Variants in OOSP4B observed in about 807,000 individuals in gnomAD.
OOSP4B encodes oocyte-secreted protein 4B.
At chr11:60,024,300 G>A (rs753955277) in intron 2 of OOSP4B, among the ~76,000 whole-genome samples, 1 of 152,194 alleles carries the variant, frequency 6.6e-6, no homozygotes, top group East Asian at 1.9e-4. Context: ...ACCACTTTGG[G>A]AGGCTGGGGT....
chr11:60,024,197 C>G (rs1210692650), intron 2 of OOSP4B, 136 bp downstream of exon 2: 2 of 395,028 alleles, frequency 5.1e-6, no homozygotes, highest in East Asian at 7.2e-5. Context: ...TTAGATAGGA[C>G]CAGGTGCTTA....
chr11:60,028,521 G>A (rs565378072), intron 3 of OOSP4B, among the ~76,000 whole-genome samples: 1 of 152,188 alleles, frequency 6.6e-6, no homozygotes, highest in African/African-American at 2.4e-5. Context: ...ACATCATCTT[G>A]AAGTTCATTT....
intron 3 of OOSP4B, among the ~76,000 whole-genome samples, chr11:60,026,622 G>A: frequency 6.6e-6 from 1 of 152,228 alleles, no homozygotes; most frequent in South Asian, 2.1e-4. Flanking sequence ...CAAAATTAAG[G>A]CACCCTGCAA....
At chr11:60,026,681 T>C (rs938604999) in intron 3 of OOSP4B, among the ~76,000 whole-genome samples, 5 of 152,212 alleles carry the variant, frequency 3.3e-5, no homozygotes, top group African/African-American at 1.2e-4. Context: ...TCTTCAAACT[T>C]CGCCAGTCAT....
intron 1 of OOSP4B, chr11:60,021,706 G>A (rs1854691754): frequency 6.6e-6 from 1 of 152,252 alleles, no homozygotes; most frequent in Non-Finnish European, 1.5e-5. Context: ...CATAGGCCGG[G>A]TGCCATGGCT....
chr11:60,022,925 A>T (rs895025028), intron 1 of OOSP4B, among the ~76,000 whole-genome samples: 15 of 152,174 alleles, frequency 9.9e-5, no homozygotes, highest in African/African-American at 3.6e-4. Flanking sequence ...GTTTAGTTTA[A>T]TTGATACTGA....
chr11:60,018,381 G>A (rs1258689231), intron 1 of OOSP4B, among the ~76,000 whole-genome samples: 1 of 152,084 alleles, frequency 6.6e-6, no homozygotes, highest in Non-Finnish European at 1.5e-5. Flanking sequence ...AGTGGATAGT[G>A]GTCAAGAATG....
chr11:60,018,310 G>T (rs751367798), intron 1 of OOSP4B, among the ~76,000 whole-genome samples: 9 of 152,062 alleles, frequency 5.9e-5, no homozygotes, highest in African/African-American at 2.2e-4. Context: ...CCCTCCAGGG[G>T]ACATTTGGCA....
At chr11:60,024,972 C>T (rs560285775) in exon 3 of OOSP4B, 1 of 398,166 alleles carries the variant, frequency 2.5e-6, no homozygotes, top group Non-Finnish European at 4.4e-6. Context: ...TTGCATACTA[C>T]CTATGAATTT....
intron 3 of OOSP4B, among the ~76,000 whole-genome samples, chr11:60,025,455 A>G (rs139904967): frequency 6.6e-6 from 1 of 152,320 alleles, no homozygotes; most frequent in African/African-American, 2.4e-5. Flanking sequence ...CAGAAAGTGG[A>G]TCTTCCCAGT....
intron 3 of OOSP4B, among the ~76,000 whole-genome samples, chr11:60,025,690 A>T (rs78169218): frequency 6.6e-6 from 1 of 152,208 alleles, no homozygotes; most frequent in African/African-American, 2.4e-5. Context: ...GTCTCTGGCT[A>T]TTATGAATAA....
At chr11:60,018,080 G>A (rs888543389) in intron 1 of OOSP4B, among the ~76,000 whole-genome samples, 2 of 152,136 alleles carry the variant, frequency 1.3e-5, no homozygotes, top group Non-Finnish European at 2.9e-5. Flanking sequence ...GAGAGGCCCC[G>A]TGAAATGAAA....
intron 1 of OOSP4B, among the ~76,000 whole-genome samples, chr11:60,020,506 C>T (rs531956646): frequency 6.6e-6 from 1 of 152,334 alleles, no homozygotes; most frequent in East Asian, 1.9e-4. Context: ...CAGCCGGCGG[C>T]TCCGAGTGTG....
At chr11:60,018,157 C>T (rs758427264) in intron 1 of OOSP4B, among the ~76,000 whole-genome samples, 1 of 152,106 alleles carries the variant, frequency 6.6e-6, no homozygotes, top group Non-Finnish European at 1.5e-5. Flanking sequence ...TTCAGTGCGC[C>T]AGAGTGATGT....
chr11:60,023,273 A>T (rs1018322185), intron 1 of OOSP4B, among the ~76,000 whole-genome samples: 3 of 152,256 alleles, frequency 2.0e-5, no homozygotes, highest in Non-Finnish European at 4.4e-5. Context: ...AGTGTGGCCA[A>T]TTTGAATTGT....
intron 3 of OOSP4B, among the ~76,000 whole-genome samples, chr11:60,027,668 A>AAAAAAAAAAAAAG (rs1854757934): frequency 6.7e-6 from 1 of 148,852 alleles, no homozygotes; most frequent in Admixed American, 6.8e-5. Context: ...AAAAAAAAAA[A>AAAAAAAAAAAAAG]AAAAAAAAAA....
exon 2 of OOSP4B, chr11:60,024,049 G>A (rs1854721117): frequency 2.5e-6 from 1 of 398,326 alleles, no homozygotes; most frequent in African/African-American, 2.1e-5. Flanking sequence ...CTTCTTGTGG[G>A]ATCAAGAAAA....
chr11:60,020,867 A>G (rs1335078102), intron 1 of OOSP4B, among the ~76,000 whole-genome samples: 2 of 152,162 alleles, frequency 1.3e-5, no homozygotes, highest in Non-Finnish European at 1.5e-5. Context: ...CTGAGATCTC[A>G]CCACTGCACT....
At chr11:60,020,428 G>T (rs564855054) in intron 1 of OOSP4B, among the ~76,000 whole-genome samples, 18 of 152,316 alleles carry the variant, frequency 1.2e-4, no homozygotes, top group African/African-American at 4.3e-4. Flanking sequence ...AAGGCCTAGC[G>T]AGAAGTCGAG....
Sources: allele counts gnomAD v4.1 joint callset (sites outside exome capture counted in the v4.1 genomes callset), GRCh38; gene constraint gnomAD v4.1.1; transcripts MANE v1.5; gene names NCBI Gene and HGNC (gene_info 2026-07-23, HGNC 2026-07-21).